CIRSR: variants seen among roughly 807,000 people sequenced by gnomAD.
CIRSR encodes corepressor of RBPJ and splicing regulator, also known as CBF1 (RBPJ) interacting corepressor 1.
chr2:174,388,708 C>A, the CIRSR span, among the ~76,000 whole-genome samples: 1 of 152,080 alleles, frequency 6.6e-6, no homozygotes, highest in African/African-American at 2.4e-5. Context: ...CACACGCACA[C>A]AAAATATATA....
At chr2:174,362,442 C>T in the CIRSR span, among the ~76,000 whole-genome samples, 1 of 152,038 alleles carries the variant, frequency 6.6e-6, no homozygotes, top group Non-Finnish European at 1.5e-5. Flanking sequence ...TGTTTATTCA[C>T]TTTTTGTTGC....
chr2:174,358,205 A>C, the CIRSR span: 2 of 152,206 alleles, frequency 1.3e-5, no homozygotes, highest in Non-Finnish European at 2.9e-5. Flanking sequence ...GTTTATTAGA[A>C]ACTTTGCCTT....
the CIRSR span, chr2:174,395,420 CA>C: frequency 3.4e-6 from 3 of 874,028 alleles, no homozygotes; most frequent in Non-Finnish European, 5.6e-6. Context: ...AAGGCGAGAC[CA>C]CCAGGGCTTT....
the CIRSR span, among the ~76,000 whole-genome samples, chr2:174,376,495 A>G: frequency 6.6e-6 from 1 of 152,106 alleles, no homozygotes; most frequent in Non-Finnish European, 1.5e-5. Flanking sequence ...AAGGTTAATG[A>G]ATAGAAATGG....
At chr2:174,381,689 G>A in the CIRSR span, 7 of 1,564,820 alleles carry the variant, frequency 4.5e-6, no homozygotes, top group East Asian at 1.1e-4. Context: ...AAAAGAAACG[G>A]AAGAAGATAA....
chr2:174,360,525 C>A, the CIRSR span, among the ~76,000 whole-genome samples: 1 of 152,132 alleles, frequency 6.6e-6, no homozygotes, highest in African/African-American at 2.4e-5. Context: ...TTCATTCATT[C>A]TCCTTTTCTC....
At chr2:174,353,851 G>C in the CIRSR span, among the ~76,000 whole-genome samples, 2 of 152,006 alleles carry the variant, frequency 1.3e-5, no homozygotes, top group African/African-American at 4.8e-5. Context: ...TTATAAAGTA[G>C]AAAATGTCTC....
At chr2:174,348,811 C>A in the CIRSR span, 1 of 1,614,022 alleles carries the variant, frequency 6.2e-7, no homozygotes, top group Non-Finnish European at 8.5e-7. Context: ...CATTTGCTGT[C>A]CTCCCTAGAA....
chr2:174,348,248 A>G, the CIRSR span: 2 of 429,404 alleles, frequency 4.7e-6, no homozygotes, highest in Admixed American at 4.1e-5. Context: ...AGAAACAGTT[A>G]CCAACAGAAA....
the CIRSR span, among the ~76,000 whole-genome samples, chr2:174,362,257 G>A: frequency 5.9e-5 from 9 of 152,030 alleles, no homozygotes; most frequent in South Asian, 2.1e-4. Flanking sequence ...AGTGAGCTGC[G>A]ACTGTGCCAC....
At chr2:174,356,526 A>AGGAAGGAAGTAAG in the CIRSR span, among the ~76,000 whole-genome samples, 1 of 133,290 alleles carries the variant, frequency 7.5e-6, no homozygotes, top group Admixed American at 7.8e-5. Flanking sequence ...AAAGAAAGAA[A>AGGAAGGAAGTAAG]GAAGAAAGGA....
At chr2:174,395,650 G>A in the CIRSR span, 87 of 1,614,124 alleles carry the variant, frequency 5.4e-5, no homozygotes, top group Middle Eastern at 8.3e-4. Context: ...GGAAAGCAGG[G>A]GCTAGATCTG....
At chr2:174,378,301 T>C in the CIRSR span, among the ~76,000 whole-genome samples, 2 of 152,328 alleles carry the variant, frequency 1.3e-5, no homozygotes, top group African/African-American at 4.8e-5. Flanking sequence ...ACAGATTATT[T>C]CTATTATGAT....
At chr2:174,393,690 TAAA>T in the CIRSR span, among the ~76,000 whole-genome samples, 1 of 136,928 alleles carries the variant, frequency 7.3e-6, no homozygotes, top group African/African-American at 2.7e-5. Flanking sequence ...CCACTTCTAT[TAAA>T]AAAAAAAAAA....
the CIRSR span, among the ~76,000 whole-genome samples, chr2:174,353,530 C>T: frequency 2.6e-5 from 4 of 152,076 alleles, no homozygotes; most frequent in African/African-American, 7.2e-5. Flanking sequence ...TGCAGTGGCA[C>T]GATCTCGGCT....
At chr2:174,359,436 T>C in the CIRSR span, among the ~76,000 whole-genome samples, 1 of 152,132 alleles carries the variant, frequency 6.6e-6, no homozygotes, top group Non-Finnish European at 1.5e-5. Context: ...TATATCTCTC[T>C]ATGAGAAGAC....
At chr2:174,385,745 A>C in the CIRSR span, among the ~76,000 whole-genome samples, 2 of 152,222 alleles carry the variant, frequency 1.3e-5, no homozygotes, top group African/African-American at 2.4e-5. Flanking sequence ...CAATAGTATT[A>C]TATTATAATC....
the CIRSR span, among the ~76,000 whole-genome samples, chr2:174,376,366 A>G: frequency 2.6e-5 from 4 of 152,340 alleles, no homozygotes; most frequent in African/African-American, 7.2e-5. Flanking sequence ...CATTTTTTCT[A>G]CTTCATTCAC....
chr2:174,380,891 C>T, the CIRSR span: 3 of 1,144,028 alleles, frequency 2.6e-6, no homozygotes, highest in Non-Finnish European at 3.7e-6. Context: ...CTACTGTATA[C>T]ACTATGATAT....
Sources: gnomAD v4.1 joint callset for allele counts (sites outside exome capture counted in the v4.1 genomes callset) on GRCh38, gnomAD v4.1.1 for gene constraint, MANE v1.5 for transcripts, NCBI Gene and HGNC (gene_info 2026-07-23, HGNC 2026-07-21) for gene names.